Variants in KAZN observed in about 807,000 individuals in gnomAD.
KAZN encodes kazrin.
KAZN carries 40 observed loss-of-function variants against 87.4 expected under a neutral mutation model. The observed-to-expected ratio is 0.46, with a 90% CI of 0.36 to 0.60. The LOEUF is 0.60. KAZN is among the 20% of genes least tolerant of loss of function. The pLI is 0.00. For missense variants in KAZN, 898 were observed against 1,073.9 expected, an observed-to-expected ratio of 0.84 and a Z score of 2.29; for synonymous variants, 466 against 458.3, an observed-to-expected ratio of 1.02 and a Z score of -0.22.
intron 2 of KAZN, among the ~76,000 whole-genome samples, chr1:14,548,888 C>T (rs767753539): frequency 1.3e-5 from 2 of 152,240 alleles, no homozygotes; most frequent in Non-Finnish European, 2.9e-5. Flanking sequence ...TATCTCTATG[C>T]TATTGATGTT....
intron 1 of KAZN, among the ~76,000 whole-genome samples, chr1:14,793,536 A>G (rs1403043641): frequency 6.6e-6 from 1 of 152,216 alleles, no homozygotes; most frequent in Non-Finnish European, 1.5e-5. Flanking sequence ...TAGCTATAAA[A>G]TGGGAATGGG....
intron 2 of KAZN, among the ~76,000 whole-genome samples, chr1:14,462,118 G>A (rs1667890579): frequency 6.6e-6 from 1 of 150,894 alleles, no homozygotes; most frequent in South Asian, 2.1e-4. Context: ...AAAGCAAGAG[G>A]AGACTTTTAG....
chr1:14,805,486 C>T (rs768842986), intron 1 of KAZN, among the ~76,000 whole-genome samples: 5 of 152,222 alleles, frequency 3.3e-5, no homozygotes, highest in East Asian at 3.9e-4. Flanking sequence ...AGGCCGGGTG[C>T]GGTGTCTCAC....
chr1:15,114,281 C>T, intron 14 of KAZN, 190 bp from the exon 15 acceptor site: 1 of 566,554 alleles, frequency 1.8e-6, no homozygotes, highest in East Asian at 3.0e-5. Context: ...AAGCTCTCCC[C>T]TAATGGTCAT....
intron 2 of KAZN, among the ~76,000 whole-genome samples, chr1:14,221,192 C>T (rs973697462): frequency 4.6e-5 from 7 of 152,086 alleles, no homozygotes; most frequent in Non-Finnish European, 1.0e-4. Flanking sequence ...CCTTAGTTAC[C>T]ATCCCTTTGT....
At chr1:14,590,997 G>A (rs1043071013) in intron 2 of KAZN, among the ~76,000 whole-genome samples, 6 of 152,132 alleles carry the variant, frequency 3.9e-5, no homozygotes, top group Non-Finnish European at 8.8e-5. Context: ...CATTGATGAC[G>A]TCAGCTAACA....
At chr1:13,954,574 C>T (rs760033523) in intron 1 of KAZN, among the ~76,000 whole-genome samples, 1 of 151,992 alleles carries the variant, frequency 6.6e-6, no homozygotes, top group Non-Finnish European at 1.5e-5. Context: ...TGCTTGTGTT[C>T]ATGCATGTCA....
chr1:14,680,155 C>T (rs756759747), intron 1 of KAZN, among the ~76,000 whole-genome samples: 3 of 152,144 alleles, frequency 2.0e-5, no homozygotes, highest in Non-Finnish European at 4.4e-5. Flanking sequence ...AAAAAAATTA[C>T]GGTATGATTC....
At chr1:13,993,634 A>T (rs1403418692) in intron 1 of KAZN, among the ~76,000 whole-genome samples, 2 of 152,216 alleles carry the variant, frequency 1.3e-5, no homozygotes, top group African/African-American at 4.8e-5. Flanking sequence ...AACAGAGAAG[A>T]TCCCAGCCTT....
chr1:14,991,594 T>G (rs1280198147), intron 2 of KAZN, among the ~76,000 whole-genome samples: 1 of 152,208 alleles, frequency 6.6e-6, no homozygotes, highest in Non-Finnish European at 1.5e-5. Context: ...GCTGCTTCTT[T>G]TGGATGATCT....
At chr1:14,409,983 GA>G (rs1411600103) in intron 2 of KAZN, among the ~76,000 whole-genome samples, 1 of 152,094 alleles carries the variant, frequency 6.6e-6, no homozygotes, top group Non-Finnish European at 1.5e-5. Context: ...AATCAGATAT[GA>G]AAAAACAATC....
intron 2 of KAZN, among the ~76,000 whole-genome samples, chr1:14,379,029 T>A (rs115755491): frequency 8.5e-4 from 123 of 144,338 alleles, no homozygotes; most frequent in African/African-American, 2.9e-3. Context: ...AAAGAAGACA[T>A]TGACCTGCAT....
chr1:14,542,076 A>C (rs1212244860), intron 2 of KAZN, among the ~76,000 whole-genome samples: 1 of 152,172 alleles, frequency 6.6e-6, no homozygotes, highest in Non-Finnish European at 1.5e-5. Context: ...GTGACTCCAC[A>C]GTCTGTGTCT....
chr1:14,438,893 C>T (rs1666546976), intron 2 of KAZN, among the ~76,000 whole-genome samples: 1 of 152,146 alleles, frequency 6.6e-6, no homozygotes, highest in Admixed American at 6.5e-5. Flanking sequence ...TATGTAAGCC[C>T]TTAGTGCTGT....
chr1:14,859,821 A>C (rs1035204272), intron 1 of KAZN, among the ~76,000 whole-genome samples: 1 of 152,088 alleles, frequency 6.6e-6, no homozygotes, highest in African/African-American at 2.4e-5. Context: ...ATTTCCCCTT[A>C]GCGCTCTGAT....
rs150731722 is a variant in KAZN, at chr1:14,691,159, T to C, written c.226+91936T>C. The stretch of plus-strand genomic sequence containing the variant: ...TTAAAGCTTTGGGGATTTTTGACTA[T>C]TGATGGATGGCTCGGTACTTTTAAG... On this transcript the variant is annotated intron_variant, in intron 1 of 14. Coordinates refer to ENST00000376030, the MANE Select transcript of KAZN (RefSeq NM_201628.3). 8.0e-3 allele frequency among the ~76,000 whole-genome samples: 1,224 copies of C among 152,334 alleles called. 18 individuals carry two copies. The highest frequency in any genetic ancestry group is 0.028 in the African/African-American group (1,166 of 41,580).
intron 2 of KAZN, among the ~76,000 whole-genome samples, chr1:14,351,933 C>T (rs1324901970): frequency 3.3e-5 from 5 of 151,630 alleles, no homozygotes; most frequent in East Asian, 1.9e-4. Flanking sequence ...TCTTCCAAAG[C>T]GAAAAAAGAA....
intron 2 of KAZN, among the ~76,000 whole-genome samples, chr1:14,282,511 G>A (rs1300682093): frequency 8.5e-5 from 13 of 152,124 alleles, no homozygotes; most frequent in Non-Finnish European, 1.6e-4. Flanking sequence ...CTGGGGATTC[G>A]GGGCCAATGA....
intron 2 of KAZN, among the ~76,000 whole-genome samples, chr1:15,014,815 G>A (rs569483102): frequency 3.9e-5 from 6 of 152,202 alleles, no homozygotes; most frequent in South Asian, 2.1e-4. Context: ...GGCAGTCAGC[G>A]TGTGGGGCTG....
Sources: gnomAD v4.1 joint callset for allele counts (sites outside exome capture counted in the v4.1 genomes callset) on GRCh38, gnomAD v4.1.1 for gene constraint, MANE v1.5 for transcripts, NCBI Gene and HGNC (gene_info 2026-07-23, HGNC 2026-07-21) for gene names.